The following CDKL5 variants were observed in gnomAD, a reference collection of about 807,000 sequenced individuals.
CDKL5 encodes cyclin-dependent kinase-like 5.
CDKL5 carries 8 observed loss-of-function variants against 61.7 expected under a neutral mutation model. The ratio of observed to expected loss-of-function variants is 0.13; its 90% CI spans 0.08 to 0.23. The LOEUF is 0.23. Among genes scored for constraint, CDKL5 ranks in the 10% least tolerant of loss-of-function variants. CDKL5 has a pLI of 1.00. For synonymous variants in CDKL5, 275 were observed against 272.3 expected, an observed-to-expected ratio of 1.01 and a Z score of -0.10; for missense variants, 440 against 734.5, an observed-to-expected ratio of 0.60 and a Z score of 4.63.
At chrX:18,520,110 C>A (rs998270486) in intron 3 of CDKL5, among the ~76,000 whole-genome samples, 1 of 112,034 alleles carries the variant, frequency 8.9e-6, no homozygotes, top group African/African-American at 3.2e-5. Flanking sequence ...AGTCACATAA[C>A]ATGAAATTAA....
At chrX:18,463,308 C>G (rs1022376023) in intron 1 of CDKL5, among the ~76,000 whole-genome samples, 1 of 110,872 alleles carries the variant, frequency 9.0e-6, no homozygotes, top group Non-Finnish European at 1.9e-5. Context: ...ATTGCTTCTT[C>G]CCCTGAATGT....
intron 5 of CDKL5, among the ~76,000 whole-genome samples, chrX:18,576,584 G>A (rs1192840237): frequency 2.7e-5 from 3 of 109,707 alleles, no homozygotes; most frequent in Non-Finnish European, 5.7e-5. Flanking sequence ...CCAGTAATGT[G>A]GCTTTGAATG....
At chrX:18,642,264 G>T, downstream of CDKL5, 1 of 908,137 alleles carries the variant, frequency 1.1e-6, no homozygotes, top group Non-Finnish European at 1.6e-6. Context: ...TGATTAGGAA[G>T]TAGTTAAAGC....
At chrX:18,646,480 A>G (rs1927778454) in intron 20 of CDKL5, among the ~76,000 whole-genome samples, 1 of 112,738 alleles carries the variant, frequency 8.9e-6, no homozygotes, top group African/African-American at 3.2e-5. Context: ...TAAGTGAGCA[A>G]GAAACACACT....
chrX:18,439,539 T>G (rs1332457148), intron 1 of CDKL5, among the ~76,000 whole-genome samples: 2 of 111,054 alleles, frequency 1.8e-5, no homozygotes, highest in African/African-American at 3.3e-5. Flanking sequence ...GGTTACTGAG[T>G]GCATATAAAA....
At chrX:18,642,487 T>C (rs1927619632), downstream of CDKL5, among the ~76,000 whole-genome samples, 1 of 108,941 alleles carries the variant, frequency 9.2e-6, no homozygotes, top group Non-Finnish European at 1.9e-5. Context: ...GATGTGAACA[T>C]TTCCATCACA....
At chrX:18,586,512 T>C (rs1925649213) in intron 8 of CDKL5, among the ~76,000 whole-genome samples, 1 of 111,869 alleles carries the variant, frequency 8.9e-6, no homozygotes, top group East Asian at 2.8e-4. Flanking sequence ...ACTGGAGTTA[T>C]GTTTAGAGAT....
At chrX:18,576,287 T>C (rs1925294827) in intron 5 of CDKL5, among the ~76,000 whole-genome samples, 1 of 111,177 alleles carries the variant, frequency 9.0e-6, no homozygotes, top group African/African-American at 3.3e-5. Flanking sequence ...AAAGAGAAAT[T>C]TCTTGGAGAG....
chrX:18,490,399 G>A (rs1921951398), intron 1 of CDKL5, among the ~76,000 whole-genome samples: 1 of 109,929 alleles, frequency 9.1e-6, no homozygotes, highest in South Asian at 3.9e-4. Context: ...TTGAATTGAA[G>A]GATACTCAGT....
At chrX:18,614,622 A>G (rs1926662619) in intron 15 of CDKL5, among the ~76,000 whole-genome samples, 1 of 112,780 alleles carries the variant, frequency 8.9e-6, no homozygotes, top group African/African-American at 3.2e-5. Flanking sequence ...GTTGTCATCT[A>G]ACTTCAACAT....
chrX:18,529,434 A>G (rs1923565079), intron 3 of CDKL5, among the ~76,000 whole-genome samples: 1 of 110,565 alleles, frequency 9.0e-6, no homozygotes, highest in South Asian at 3.8e-4. Context: ...GGAAAAATAG[A>G]TTTTATCTTA....
intron 11 of CDKL5, among the ~76,000 whole-genome samples, chrX:18,600,421 CT>C (rs1053755664): frequency 2.4e-4 from 27 of 111,786 alleles, no homozygotes; most frequent in African/African-American, 7.8e-4. Flanking sequence ...CCTGTGTCTT[CT>C]TTGGGGTTAC....
At chrX:18,648,193 G>A (rs1927870073) in intron 20 of CDKL5, among the ~76,000 whole-genome samples, 1 of 110,917 alleles carries the variant, frequency 9.0e-6, no homozygotes, top group African/African-American at 3.3e-5. Context: ...GAGTTACCTG[G>A]TCAGAGGCTG....
intron 1 of CDKL5, among the ~76,000 whole-genome samples, chrX:18,445,222 C>G (rs1931847345): frequency 9.1e-6 from 1 of 109,792 alleles, no homozygotes; most frequent in Admixed American, 9.8e-5. Flanking sequence ...GGATTACAGG[C>G]ACACGCCACC....
chrX:18,508,934 A>T (rs1017407007), intron 2 of CDKL5, among the ~76,000 whole-genome samples: 3 of 109,749 alleles, frequency 2.7e-5, no homozygotes, highest in African/African-American at 1.0e-4. Flanking sequence ...CTCTACTAAA[A>T]ATACAAAAAT....
intron 1 of CDKL5, among the ~76,000 whole-genome samples, chrX:18,457,174 A>T (rs2147641640): frequency 9.0e-6 from 1 of 110,768 alleles, no homozygotes; most frequent in South Asian, 3.8e-4. Flanking sequence ...TTTTCTGTGC[A>T]TAGTACTAGA....
chrX:18,557,772 T>C (rs1333224610), intron 3 of CDKL5, among the ~76,000 whole-genome samples: 1 of 111,744 alleles, frequency 8.9e-6, no homozygotes, highest in Non-Finnish European at 1.9e-5. Flanking sequence ...GCACAATTAA[T>C]ACTGGGAATA....
At position 18,588,113 on chromosome X, in the gene CDKL5, C is replaced by G; in HGVS notation, c.714C>G (p.Phe238Leu). ...GPLPSEQMKLFYSNPRFHGLR... is the reference protein window; with the variant it reads ...GPLPSEQMKLLYSNPRFHGLR... ...TTCCATCTGAGCAGATGAAGCTTTT[C>G]TACAGTAATCCTCGCTTCCATGGGC... is the stretch of plus-strand genomic sequence containing the variant. The change falls in exon 9 of 18, where the codon TTC becomes TTG. Residue 238 changes from phenylalanine to leucine, a missense_variant. Transcript: ENST00000623535. The G allele has an allele frequency of 8.3e-7, 1 of 1,210,440 alleles. No individual in the cohort carries two copies. The highest frequency in any genetic ancestry group is 1.1e-6 in the Non-Finnish European group (1 of 894,743).
downstream of CDKL5, chrX:18,644,358 A>G: frequency 1.0e-6 from 1 of 982,108 alleles, no homozygotes; most frequent in East Asian, 3.0e-5. Context: ...GGGCAGTGAC[A>G]GGAGCTCGGG....
Sources: gnomAD v4.1 joint callset for allele counts (sites outside exome capture counted in the v4.1 genomes callset) on GRCh38, gnomAD v4.1.1 for gene constraint, MANE v1.5 for transcripts, NCBI Gene and HGNC (gene_info 2026-07-23, HGNC 2026-07-21) for gene names.